FBXL7: variants seen among roughly 807,000 people sequenced by gnomAD.
FBXL7 encodes F-box/LRR-repeat protein 7.
Under a neutral mutation model 38.3 loss-of-function variants are expected in FBXL7, and 12 were observed. That is an observed-to-expected ratio of 0.31 (90% CI 0.20 to 0.51). The LOEUF (loss-of-function observed/expected upper bound fraction) is 0.51. Ranked by LOEUF, FBXL7 falls within the 20% of genes least tolerant of loss-of-function variation. The pLI is 0.98. For missense variants in FBXL7, 567 were observed against 676.4 expected (o/e 0.84, Z 1.79); for synonymous variants, 297 against 300.9 (o/e 0.99, Z 0.13).
At chr5:15,654,440 CTG>C (rs1278995716) in intron 2 of FBXL7, among the ~76,000 whole-genome samples, 2 of 136,202 alleles carry the variant, frequency 1.5e-5, no homozygotes, top group Admixed American at 1.5e-4. Context: ...AAAGGCAAAA[CTG>C]TTTTTTCTAA....
intron 2 of FBXL7, among the ~76,000 whole-genome samples, chr5:15,675,174 A>C (rs1561080359): frequency 6.6e-6 from 1 of 152,230 alleles, no homozygotes; most frequent in Non-Finnish European, 1.5e-5. Flanking sequence ...CTTTATCTTC[A>C]AAATGTTATG....
chr5:15,592,517 T>G (rs1739511734), intron 1 of FBXL7, among the ~76,000 whole-genome samples: 1 of 152,186 alleles, frequency 6.6e-6, no homozygotes. Context: ...CTTTTTTTTC[T>G]ATAGAGTGCC....
At chr5:15,612,994 T>C (rs1448233001) in intron 1 of FBXL7, among the ~76,000 whole-genome samples, 1 of 152,232 alleles carries the variant, frequency 6.6e-6, no homozygotes, top group Non-Finnish European at 1.5e-5. Context: ...TTTAATTTGT[T>C]ATTTTGTTTT....
chr5:15,583,890 T>C (rs1476847453), intron 1 of FBXL7, among the ~76,000 whole-genome samples: 1 of 152,194 alleles, frequency 6.6e-6, no homozygotes, highest in East Asian at 1.9e-4. Context: ...CCATAAGGGC[T>C]TCACCCCTAC....
Position 15,849,787 on chromosome 5 carries a change from C to T in FBXL7, c.128-78103C>T, listed in dbSNP as rs1157306947. 1.6e-4 allele frequency among the ~76,000 whole-genome samples: 24 copies of T among 152,192 alleles called. 1 individual carries two copies. ...CTTGAAATGATTCATACTATTATGA[C>T]AGTTTACCCAAATTCATACCTGTAA... On this transcript the variant is annotated intron_variant, in intron 2 of 3. Transcript: ENST00000504595.
intron 1 of FBXL7, among the ~76,000 whole-genome samples, chr5:15,555,335 C>T (rs1279072537): frequency 6.6e-6 from 1 of 152,110 alleles, no homozygotes; most frequent in Non-Finnish European, 1.5e-5. Context: ...GGCCATACAG[C>T]AAAAGCACAG....
chr5:15,852,698 A>G (rs1739134664), intron 2 of FBXL7, among the ~76,000 whole-genome samples: 2 of 151,934 alleles, frequency 1.3e-5, no homozygotes, highest in South Asian at 4.1e-4. Flanking sequence ...AAAAAAAAAC[A>G]TGGCCATATA....
chr5:15,869,138 C>T (rs564854681), intron 2 of FBXL7, among the ~76,000 whole-genome samples: 1 of 152,246 alleles, frequency 6.6e-6, no homozygotes, highest in South Asian at 2.1e-4. Flanking sequence ...AATGGACAAG[C>T]CTAGAAGGCA....
chr5:15,746,252 G>A (rs1736011201), intron 2 of FBXL7, among the ~76,000 whole-genome samples: 1 of 152,188 alleles, frequency 6.6e-6, no homozygotes, highest in African/African-American at 2.4e-5. Flanking sequence ...TGTTACCCTT[G>A]AGATGCTTTT....
At chr5:15,555,573 G>T (rs569976121) in intron 1 of FBXL7, among the ~76,000 whole-genome samples, 1 of 152,246 alleles carries the variant, frequency 6.6e-6, no homozygotes, top group Non-Finnish European at 1.5e-5. Context: ...CTTAGACACA[G>T]TTGCTGTCAC....
intron 1 of FBXL7, among the ~76,000 whole-genome samples, chr5:15,516,089 C>G (rs1736928376): frequency 6.6e-6 from 1 of 152,120 alleles, no homozygotes; most frequent in Non-Finnish European, 1.5e-5. Flanking sequence ...TAAATTAACT[C>G]AAAATTCTTT....
chr5:15,512,693 G>A (rs1254472260), intron 1 of FBXL7, among the ~76,000 whole-genome samples: 1 of 152,174 alleles, frequency 6.6e-6, no homozygotes, highest in Non-Finnish European at 1.5e-5. Flanking sequence ...TGAAATATGT[G>A]TTTTTAAGCA....
chr5:15,771,308 A>G (rs2126710846), intron 2 of FBXL7, among the ~76,000 whole-genome samples: 1 of 152,302 alleles, frequency 6.6e-6, no homozygotes, highest in Middle Eastern at 3.4e-3. Context: ...CTGCCTTGAA[A>G]TGGAAATCAA....
chr5:15,728,064 T>G (rs754465590), intron 2 of FBXL7, among the ~76,000 whole-genome samples: 6 of 152,200 alleles, frequency 3.9e-5, no homozygotes, highest in Non-Finnish European at 8.8e-5. Context: ...GCTCCCATAT[T>G]TCTTTTCACA....
intron 2 of FBXL7, among the ~76,000 whole-genome samples, chr5:15,892,617 T>C (rs555394557): frequency 6.6e-6 from 1 of 152,286 alleles, no homozygotes; most frequent in South Asian, 2.1e-4. Context: ...TTATATCATA[T>C]CCTCATTCAT....
chr5:15,545,083 C>A (rs1737861974), intron 1 of FBXL7, among the ~76,000 whole-genome samples: 1 of 152,304 alleles, frequency 6.6e-6, no homozygotes, highest in East Asian at 1.9e-4. Context: ...GTTTCTGATC[C>A]ATGGGAATCT....
At chr5:15,737,975 A>T (rs1204620433) in intron 2 of FBXL7, among the ~76,000 whole-genome samples, 1 of 152,162 alleles carries the variant, frequency 6.6e-6, no homozygotes, top group Non-Finnish European at 1.5e-5. Context: ...CCCTTTTTGT[A>T]AAATCAGGAG....
chr5:15,711,792 T>A, intron 2 of FBXL7, among the ~76,000 whole-genome samples: 1 of 152,086 alleles, frequency 6.6e-6, no homozygotes, highest in East Asian at 1.9e-4. Context: ...AGAATCAAAA[T>A]TCCAAAAATA....
chr5:15,881,625 T>C (rs1740455991), intron 2 of FBXL7, among the ~76,000 whole-genome samples: 1 of 152,210 alleles, frequency 6.6e-6, no homozygotes, highest in Non-Finnish European at 1.5e-5. Context: ...AGTGGTTATA[T>C]TAGTTTACAT....
Sources: allele counts gnomAD v4.1 joint callset (sites outside exome capture counted in the v4.1 genomes callset), GRCh38; gene constraint gnomAD v4.1.1; transcripts MANE v1.5; gene names NCBI Gene and HGNC (gene_info 2026-07-23, HGNC 2026-07-21).